Variants in RELN observed in about 807,000 individuals in gnomAD.
RELN encodes reelin.
A neutral mutation model predicts 427.6 loss-of-function variants in RELN; 108 were observed. That is an observed-to-expected ratio of 0.25 (90% CI 0.22 to 0.30). The LOEUF (loss-of-function observed/expected upper bound fraction) is 0.30, where lower values mean the gene tolerates loss of function less well. Among genes scored for constraint, RELN ranks in the 10% least tolerant of loss-of-function variants. RELN has a pLI of 1.00. For synonymous variants in RELN, 1,524 were observed against 1,513.4 expected, an observed-to-expected ratio of 1.01 and a Z score of -0.16; for missense variants, 3,715 against 4,302.8, an observed-to-expected ratio of 0.86 and a Z score of 3.82.
chr7:103,494,006 G>A (rs1828750503), intron 57 of RELN, among the ~76,000 whole-genome samples: 1 of 152,092 alleles, frequency 6.6e-6, no homozygotes, highest in Non-Finnish European at 1.5e-5. Context: ...CAAAAGAGGA[G>A]GCTCCAATCA....
rs368963425 is a variant in RELN, at chr7:103,853,052, A to C, written c.338-19380T>G. On this transcript the variant is annotated intron_variant, in intron 2 of 64. Coordinates refer to ENST00000428762, the MANE Select transcript of RELN (RefSeq NM_005045.4). ...AATAATTTGAATAATTTGGATCAGA[A>C]AACTGATTGTTTCATACCCCTTGAG... 2.2e-4 allele frequency among the ~76,000 whole-genome samples: 34 copies of C among 152,184 alleles called. 1 individual carries two copies. Among genetic ancestry groups the C allele is most frequent in the African/African-American group, 7.9e-4 (33 of 41,578 alleles).
intron 3 of RELN, among the ~76,000 whole-genome samples, chr7:103,795,220 C>T (rs957005220): frequency 6.6e-6 from 1 of 152,324 alleles, no homozygotes; most frequent in South Asian, 2.1e-4. Context: ...ACACACTCTG[C>T]AGTAGATATC....
chr7:103,726,166 G>A (rs528418616), intron 7 of RELN, among the ~76,000 whole-genome samples: 5 of 152,210 alleles, frequency 3.3e-5, no homozygotes, highest in South Asian at 2.1e-4. Flanking sequence ...ACTGAAAACC[G>A]AATTCCTCAC....
intron 41 of RELN, among the ~76,000 whole-genome samples, chr7:103,547,931 C>T (rs1042207664): frequency 6.6e-6 from 1 of 152,208 alleles, no homozygotes; most frequent in African/African-American, 2.4e-5. Context: ...CTGCTGAAAT[C>T]TTATTTTGAA....
intron 2 of RELN, among the ~76,000 whole-genome samples, chr7:103,882,829 C>A (rs527695697): frequency 1.1e-3 from 161 of 152,276 alleles, no homozygotes; most frequent in African/African-American, 3.4e-3. Context: ...CAGGAGCAGA[C>A]GGATTCACAG....
intron 1 of RELN, among the ~76,000 whole-genome samples, chr7:103,970,501 C>T (rs139497941): frequency 5.4e-4 from 82 of 151,954 alleles, no homozygotes; most frequent in African/African-American, 1.9e-3. Context: ...TCTTTTTGCA[C>T]TTCACCTTGG....
intron 10 of RELN, among the ~76,000 whole-genome samples, chr7:103,690,097 A>G (rs1007563596): frequency 6.6e-6 from 1 of 152,148 alleles, no homozygotes; most frequent in Admixed American, 6.6e-5. Flanking sequence ...ATGAAATGCT[A>G]TCAATACTTC....
intron 3 of RELN, among the ~76,000 whole-genome samples, chr7:103,817,504 C>T (rs1426661629): frequency 2.0e-5 from 3 of 152,140 alleles, no homozygotes; most frequent in African/African-American, 2.4e-5. Flanking sequence ...AAAGGCTCTC[C>T]TAAATGGTAA....
chr7:103,776,541 C>A lies in RELN; in HGVS notation c.544+16G>T, dbSNP rs185438910. 1.2e-6 allele frequency: 2 copies of A among 1,613,822 alleles called. No homozygotes were observed. The highest frequency in any genetic ancestry group is 1.1e-5 in the South Asian group (1 of 91,058). On this transcript the variant is annotated intron_variant, in intron 4 of 64. Coordinates refer to ENST00000428762, the MANE Select transcript of RELN (RefSeq NM_005045.4). ...TAGTTTGGACATAACACAAACAAAT[C>A]AAATGTGACGCTTACCTCCTTGTTC... is the stretch of plus-strand genomic sequence containing the variant.
At chr7:103,503,966 G>C (rs1342177178) in intron 51 of RELN, among the ~76,000 whole-genome samples, 2 of 151,656 alleles carry the variant, frequency 1.3e-5, no homozygotes, top group Non-Finnish European at 2.9e-5. Flanking sequence ...AGCACTTTGG[G>C]AGGCCGAGAC....
Position 103,574,092 on chromosome 7 carries a change from C to G in RELN, c.4511G>C (p.Arg1504Thr). The G allele has an allele frequency of 6.2e-7, 1 of 1,610,130 alleles. No homozygotes were observed. The highest frequency in any genetic ancestry group is 8.5e-7 in the Non-Finnish European group (1 of 1,176,432). ...RTVPLDTRNI[R>T]LVQFYIQIGS... ...AAGTATACCAGTTAATACTTGTTAC[C>G]TGATATTCCTGGTGTCCAGAGGGAC... Residue 1504 changes from arginine to threonine, a missense_variant and splice_region_variant, in exon 30 of 65, where the codon AGA (arginine) becomes ACA (threonine). Coordinates refer to ENST00000428762, the MANE Select transcript of RELN (RefSeq NM_005045.4).
At chr7:103,674,759 C>T (rs781105941) in intron 11 of RELN, among the ~76,000 whole-genome samples, 20 of 152,102 alleles carry the variant, frequency 1.3e-4, no homozygotes, top group Non-Finnish European at 2.5e-4. Context: ...TGTAATCCGT[C>T]ATATAAACAG....
intron 6 of RELN, among the ~76,000 whole-genome samples, chr7:103,735,062 T>C (rs1790457494): frequency 6.6e-6 from 1 of 151,754 alleles, no homozygotes; most frequent in South Asian, 2.1e-4. Flanking sequence ...ACACCATCTC[T>C]TTTTTTTCAC....
intron 61 of RELN, among the ~76,000 whole-genome samples, chr7:103,485,897 G>GT (rs1434671530): frequency 6.6e-6 from 1 of 152,118 alleles, no homozygotes; most frequent in Non-Finnish European, 1.5e-5. Context: ...AATTATCTAT[G>GT]TAGTTTATCC....
At chr7:103,806,381 A>G (rs1369684672) in intron 3 of RELN, among the ~76,000 whole-genome samples, 2 of 151,978 alleles carry the variant, frequency 1.3e-5, no homozygotes, top group African/African-American at 2.4e-5. Flanking sequence ...ATGGAATGCA[A>G]TGGCGTGATC....
chr7:103,807,690 A>C (rs557432184), intron 3 of RELN, among the ~76,000 whole-genome samples: 20 of 152,124 alleles, frequency 1.3e-4, no homozygotes, highest in African/African-American at 4.8e-4. Context: ...TTTAGCTCCC[A>C]CTTGTAAGTG....
intron 2 of RELN, among the ~76,000 whole-genome samples, chr7:103,905,043 C>G (rs551192385): frequency 7.6e-6 from 1 of 131,174 alleles, no homozygotes; most frequent in East Asian, 2.4e-4. Flanking sequence ...TGCAGTGGTG[C>G]AATCTCTGCT....
intron 1 of RELN, among the ~76,000 whole-genome samples, chr7:103,970,470 C>A (rs1203722713): frequency 6.6e-6 from 1 of 152,056 alleles, no homozygotes; most frequent in East Asian, 1.9e-4. Flanking sequence ...AGTGCTATTT[C>A]TTTTTCTTTT....
intron 49 of RELN, among the ~76,000 whole-genome samples, chr7:103,518,505 G>GTTTTTTT (rs58239018): frequency 2.6e-5 from 3 of 114,362 alleles, no homozygotes; most frequent in African/African-American, 9.2e-5. Flanking sequence ...GGTAATTTAA[G>GTTTTTTT]TTTTTTTTTT....
Sources: allele counts gnomAD v4.1 joint callset (sites outside exome capture counted in the v4.1 genomes callset), GRCh38; gene constraint gnomAD v4.1.1; transcripts MANE v1.5; gene names NCBI Gene and HGNC (gene_info 2026-07-23, HGNC 2026-07-21).